Variants in SFSWAP observed in about 807,000 individuals in gnomAD.
The protein encoded by SFSWAP is splicing factor, suppressor of white-apricot homolog.
In SFSWAP, 17 loss-of-function variants were observed where a neutral mutation model predicts 100.7. The ratio of observed to expected loss-of-function variants is 0.17; its 90% CI spans 0.12 to 0.25. The LOEUF (loss-of-function observed/expected upper bound fraction) is 0.25. SFSWAP is among the 10% of genes least tolerant of loss of function. The probability of loss-of-function intolerance (pLI) is 1.00; values close to 1 mark genes in which losing one functional copy is unlikely to be tolerated. For missense variants in SFSWAP, 1,005 were observed against 1,262.6 expected, an observed-to-expected ratio of 0.80 and a Z score of 3.09; for synonymous variants, 504 against 510.1, an observed-to-expected ratio of 0.99 and a Z score of 0.16.
intron 7 of SFSWAP, among the ~76,000 whole-genome samples, chr12:131,744,708 C>G (rs2136212851): frequency 6.6e-6 from 1 of 152,312 alleles, no homozygotes; most frequent in South Asian, 2.1e-4. Context: ...TACCCCAATT[C>G]TGGTACCAAA....
intron 7 of SFSWAP, among the ~76,000 whole-genome samples, chr12:131,738,924 C>T (rs1243646011): frequency 1.0e-4 from 6 of 57,598 alleles, no homozygotes; most frequent in South Asian, 5.4e-4. Context: ...CAGGGTCTCT[C>T]GCTCTGTCAC....
intron 7 of SFSWAP, among the ~76,000 whole-genome samples, chr12:131,743,407 G>A (rs1276351165): frequency 1.3e-5 from 2 of 152,242 alleles, no homozygotes; most frequent in Non-Finnish European, 2.9e-5. Flanking sequence ...AGAGAAATTG[G>A]CCAAAACAGA....
intron 11 of SFSWAP, among the ~76,000 whole-genome samples, chr12:131,759,297 G>A (rs572829398): frequency 1.3e-5 from 2 of 152,230 alleles, no homozygotes; most frequent in African/African-American, 4.8e-5. Context: ...TAATTGGTTA[G>A]TGAAATACCT....
At chr12:131,783,641 G>A (rs1884655070) in intron 14 of SFSWAP, 1 of 151,382 alleles carries the variant, frequency 6.6e-6, no homozygotes. Flanking sequence ...AAATTAGCCG[G>A]GCGTGGTGGT....
rs373048458 is a variant in SFSWAP, at chr12:131,790,659, G to A, written c.2534+4071G>A. Among the ~76,000 whole-genome samples, 7 of 152,178 alleles carry A rather than the reference G, an allele frequency of 4.6e-5. No homozygotes were observed. The East Asian group carries it at 1.2e-3, about 25-fold the overall frequency. The stretch of plus-strand genomic sequence containing the variant: ...GTAGCACACTTCAACAAGATGTCCC[G>A]GTTATCTTATTGTAGCAAATACAAT... On this transcript the variant is annotated intron_variant, in intron 15 of 17. Transcript: ENST00000261674.
Position 131,756,522 on chromosome 12 carries a change from C to A in SFSWAP, c.1598C>A (p.Pro533Gln). ...CCCACAGACTCTGCTCCCGAGAAGC[C>A]AAGTGATGCTGGGGAGGATGGCGCG... ...EAPTDSAPEK[P>Q]SDAGEDGAPE... The change falls in exon 11 of 18, where the codon CCA becomes CAA. Residue 533 changes from proline (P) to glutamine (Q), a missense_variant. By Grantham distance (76) the Pro-to-Gln change is moderately conservative. Around this residue, in one of 7 missense-constraint regions of SFSWAP, gnomAD observed 311 missense variants for 317.8 expected, o/e 0.98. Transcript: ENST00000261674. The A allele has an allele frequency of 6.2e-7, 1 of 1,614,076 alleles. No homozygotes were observed. Among genetic ancestry groups the A allele is most frequent in the African/African-American group, 1.3e-5 (1 of 75,048 alleles).
chr12:131,722,151 G>T (rs1168863119), intron 4 of SFSWAP, among the ~76,000 whole-genome samples: 5 of 152,230 alleles, frequency 3.3e-5, no homozygotes, highest in Admixed American at 6.5e-5. Flanking sequence ...GGAGTGATTG[G>T]GAAAGACAGC....
rs1235452839 is a variant in SFSWAP, at chr12:131,796,019, AGGG to A, written c.2535-1156_2535-1154del. 9.8e-4 allele frequency: 29 copies of A among 29,634 alleles called. 1 individual carries two copies. The highest frequency in any genetic ancestry group is 2.5e-3 in the African/African-American group (20 of 8,150). 1.8% of individuals were successfully genotyped at this position (29,634 alleles called of 1,614,324 possible). A position where few individuals can be genotyped will look rare whatever the true frequency, so the allele number is the denominator to read the frequency against. On this transcript the variant is annotated intron_variant, in intron 15 of 17. Transcript: ENST00000261674. ...AGAGGGGGAGGGGAGGGGAGGGGAG[AGGG>A]GGAGGGGAGGGGAGGGGAGCGGAGA...
At chr12:131,715,796 G>C (rs773324601) in intron 3 of SFSWAP, among the ~76,000 whole-genome samples, 7 of 152,202 alleles carry the variant, frequency 4.6e-5, no homozygotes, top group Admixed American at 6.5e-5. Flanking sequence ...AATTTAATCT[G>C]TTATTCTGAA....
At chr12:131,737,649 T>C (rs1880162063) in intron 7 of SFSWAP, among the ~76,000 whole-genome samples, 2 of 152,184 alleles carry the variant, frequency 1.3e-5, no homozygotes, top group African/African-American at 4.8e-5. Flanking sequence ...GCTGGGTCAC[T>C]AAGCTTTTCT....
intron 11 of SFSWAP, among the ~76,000 whole-genome samples, chr12:131,762,816 G>A (rs1462351696): frequency 6.6e-6 from 1 of 152,142 alleles, no homozygotes; most frequent in East Asian, 1.9e-4. Context: ...GGCCCTGCTG[G>A]TCTTGAACTC....
intron 13 of SFSWAP, among the ~76,000 whole-genome samples, chr12:131,769,089 T>C (rs1371073132): frequency 6.6e-6 from 1 of 151,220 alleles, no homozygotes; most frequent in Non-Finnish European, 1.5e-5. Flanking sequence ...ACTGCACCAC[T>C]GTACTCCAGC....
intron 17 of SFSWAP, 111 bp from the exon 18 acceptor site, chr12:131,799,312 C>A: frequency 8.1e-7 from 1 of 1,233,372 alleles, no homozygotes; most frequent in Non-Finnish European, 1.2e-6. Context: ...GCCGCCCCCA[C>A]GGTGCTAGCA....
intron 13 of SFSWAP, among the ~76,000 whole-genome samples, chr12:131,771,899 G>T (rs958833008): frequency 6.6e-6 from 1 of 152,130 alleles, no homozygotes; most frequent in Non-Finnish European, 1.5e-5. Flanking sequence ...TTGACCTCGT[G>T]ATCAGCCCGC....
chr12:131,719,604 G>A, intron 4 of SFSWAP, 65 bp downstream of exon 4: 1 of 1,279,344 alleles, frequency 7.8e-7, no homozygotes, highest in Non-Finnish European at 1.1e-6. Context: ...TCCTGCTTGT[G>A]GGAAAGCTCA....
intron 15 of SFSWAP, among the ~76,000 whole-genome samples, chr12:131,795,809 C>T (rs536559245): frequency 3.3e-5 from 5 of 151,348 alleles, no homozygotes; most frequent in Admixed American, 1.3e-4. Flanking sequence ...CAGAGAACCA[C>T]GGTTCCCCCT....
chr12:131,764,015 A>T (rs1882897216), intron 11 of SFSWAP, among the ~76,000 whole-genome samples: 1 of 152,078 alleles, frequency 6.6e-6, no homozygotes, highest in Non-Finnish European at 1.5e-5. Context: ...ACTCCCAGCT[A>T]CTCAGGAGGC....
At chr12:131,771,498 G>A (rs184365219) in intron 13 of SFSWAP, among the ~76,000 whole-genome samples, 76 of 152,194 alleles carry the variant, frequency 5.0e-4, no homozygotes, top group African/African-American at 1.6e-3. Context: ...TGAAGGGACC[G>A]TAGCAGTTTT....
chr12:131,731,422 C>G (rs1879501918), intron 7 of SFSWAP, among the ~76,000 whole-genome samples: 2 of 152,200 alleles, frequency 1.3e-5, no homozygotes, highest in Admixed American at 6.5e-5. Flanking sequence ...CCCTCATGAC[C>G]TCGTCTTCAC....
Sources: gnomAD v4.1 joint callset for allele counts (sites outside exome capture counted in the v4.1 genomes callset) on GRCh38, gnomAD v4.1.1 for gene constraint, gnomAD v4.1.1 regional missense constraint, MANE v1.5 for transcripts, NCBI Gene and HGNC (gene_info 2026-07-23, HGNC 2026-07-21) for gene names.